Variants in ZNF77 observed in about 807,000 individuals in gnomAD.
ZNF77 encodes the protein ZNFpT1.
In ZNF77, 15 loss-of-function variants were observed where a neutral mutation model predicts 13.5. The observed-to-expected ratio is 1.11, with a 90% CI of 0.74 to 1.71. ZNF77 has a LOEUF of 1.71. Among genes scored for constraint, ZNF77 ranks in the 40% most tolerant of loss-of-function variants. ZNF77 has a pLI of 0.00. For missense variants in ZNF77, 717 were observed against 676.4 expected (o/e 1.06, Z -0.67); for synonymous variants, 282 against 250.0 (o/e 1.13, Z -1.21).
At chr19:2,939,576 T>A in intron 1 of ZNF77, 169 bp from the exon 2 acceptor site, 1 of 862,028 alleles carries the variant, frequency 1.2e-6, no homozygotes, top group Non-Finnish European at 1.8e-6. Flanking sequence ...CGTGAGTACC[T>A]TCCCAACAGG....
chr19:2,941,074 C>T (rs1013139393), intron 1 of ZNF77, among the ~76,000 whole-genome samples: 9 of 149,614 alleles, frequency 6.0e-5, no homozygotes, highest in African/African-American at 2.2e-4. Context: ...ACTCAGGAGG[C>T]TGAGGTGGGA....
intron 2 of ZNF77, among the ~76,000 whole-genome samples, chr19:2,938,796 G>A (rs562689626): frequency 0.02 from 3,026 of 151,750 alleles, 44 homozygotes; most frequent in Middle Eastern, 0.096. Context: ...CTCTACTAAA[G>A]CTACAAAAAA....
intron 2 of ZNF77, among the ~76,000 whole-genome samples, chr19:2,938,796 G>T (rs562689626): frequency 6.6e-6 from 1 of 151,794 alleles, no homozygotes; most frequent in South Asian, 2.1e-4. Flanking sequence ...CTCTACTAAA[G>T]CTACAAAAAA....
intron 3 of ZNF77, among the ~76,000 whole-genome samples, chr19:2,935,972 G>T (rs946179086): frequency 2.0e-5 from 3 of 151,614 alleles, no homozygotes; most frequent in African/African-American, 7.3e-5. Flanking sequence ...GCCAAGATCC[G>T]TGCCACTGCA....
At chr19:2,944,689 C>T (rs1234036307) in intron 1 of ZNF77, 149 bp downstream of exon 1, 8 of 1,189,502 alleles carry the variant, frequency 6.7e-6, no homozygotes, top group Non-Finnish European at 9.0e-6. Flanking sequence ...ACCCCTCGGC[C>T]GCTGTGACCA....
chr19:2,942,090 G>C (rs79020457), intron 1 of ZNF77, among the ~76,000 whole-genome samples: 1 of 128,634 alleles, frequency 7.8e-6, no homozygotes, highest in Admixed American at 7.9e-5. Flanking sequence ...TTTTTTTTTT[G>C]AGACAGGGTC....
chr19:2,935,178 C>T (rs559710925), intron 3 of ZNF77, among the ~76,000 whole-genome samples: 6 of 151,920 alleles, frequency 3.9e-5, no homozygotes, highest in African/African-American at 1.4e-4. Context: ...GCCACCACGC[C>T]TGGCTAATTT....
intron 1 of ZNF77, among the ~76,000 whole-genome samples, chr19:2,943,457 G>C (rs985919570): frequency 4.6e-5 from 7 of 151,498 alleles, no homozygotes; most frequent in Admixed American, 2.6e-4. Context: ...CTGAACTTTG[G>C]CCCCCCCGAG....
Position 2,934,436 on chromosome 19 carries a change from C to A in ZNF77, c.691G>T (p.Val231Leu), listed in dbSNP as rs1307920121. The change falls in exon 4 of 4, where the codon GTG becomes TTG. Residue 231 changes from valine to leucine, a missense_variant. Physicochemically the swap from Val to Leu is conservative, Grantham distance 32. Coordinates refer to ENST00000314531, the MANE Select transcript of ZNF77 (RefSeq NM_021217.3). ...GTTTTCTGCCCATGATGACTATTCA[C>A]ATGTCCCCTGAAAGATGAGGGACAA... ...FICPSSFRGH[V>L]NSHHGQKTHA... is the part of the protein sequence containing the mutation. 15 of 1,614,236 alleles carry A rather than the reference C, an allele frequency of 9.3e-6. No individual in the cohort carries two copies. The highest frequency in any genetic ancestry group is 1.3e-5 in the Non-Finnish European group (15 of 1,180,042).
Position 2,933,687 on chromosome 19 carries a change from T to C in ZNF77, c.1440A>G (p.Gln480=), listed in dbSNP as rs1344518170. ...GKAFSHAQYF[Q]KHVRSHSGVK... is the part of the protein sequence containing the mutation. ...CCCCACTGTGTGATCTCACATGCTT[T>C]TGAAAGTACTGAGCGTGGCTGAAGG... Residue 480 remains glutamine (Q), a synonymous_variant, in exon 4 of 4, where the codon CAA becomes CAG. Transcript: ENST00000314531. 6.2e-7 allele frequency: 1 copy of C among 1,612,226 alleles called. No homozygotes were observed. The highest frequency in any genetic ancestry group is 8.5e-7 in the Non-Finnish European group (1 of 1,178,620).
chr19:2,933,821 A>G lies in ZNF77; in HGVS notation c.1306T>C (p.Phe436Leu), dbSNP rs1242397158. 8 of 1,613,326 alleles carry G rather than the reference A, an allele frequency of 5.0e-6. No individual in the cohort carries two copies. Among genetic ancestry groups the G allele is most frequent in the Non-Finnish European group, 6.8e-6 (8 of 1,179,410 alleles). ...HVRTHTGEKP[F>L]ECKHCGKAFS... The stretch of plus-strand genomic sequence containing the variant: ...GCTTTCCCACAATGCTTACACTCAA[A>G]GGGCTTCTCTCCAGTATGCGTCCTC... Residue 436 changes from phenylalanine (F) to leucine (L), a missense_variant, in exon 4 of 4, where the codon TTT (phenylalanine) becomes CTT (leucine). Coordinates refer to ENST00000314531, the MANE Select transcript of ZNF77 (RefSeq NM_021217.3).
At position 2,933,539 on chromosome 19, in the gene ZNF77, TGAAG is replaced by T; in HGVS notation, c.1584_1587del (p.Phe529GlyfsTer10). On this transcript the variant is annotated frameshift_variant, in exon 4 of 4. Coordinates refer to ENST00000314531, the MANE Select transcript of ZNF77 (RefSeq NM_021217.3). LOFTEE classifies it low-confidence loss of function (END_TRUNC). ...TGTGCTTGAAGCGATGCGAGATACC[TGAAG>T]GTTTTCCCACACTGCTTGCATTCAT... The T allele has an allele frequency of 6.2e-7, 1 of 1,606,876 alleles. No homozygotes were observed. Among genetic ancestry groups the T allele is most frequent in the Non-Finnish European group, 8.5e-7 (1 of 1,174,994 alleles).
intron 3 of ZNF77, 72 bp downstream of exon 3, chr19:2,936,452 A>G (rs547132071): frequency 1.3e-5 from 19 of 1,481,964 alleles, no homozygotes; most frequent in African/African-American, 4.4e-5. Context: ...CCCAGCCGAT[A>G]CTTTTCTTTG....
intron 1 of ZNF77, among the ~76,000 whole-genome samples, chr19:2,943,451 A>G (rs1365594040): frequency 6.6e-6 from 1 of 151,908 alleles, no homozygotes; most frequent in Non-Finnish European, 1.5e-5. Flanking sequence ...AGGCCCCTGA[A>G]CTTTGGCCCC....
chr19:2,936,039 AT>A (rs2088393349), intron 3 of ZNF77, among the ~76,000 whole-genome samples: 1 of 151,326 alleles, frequency 6.6e-6, no homozygotes, highest in Non-Finnish European at 1.5e-5. Flanking sequence ...AATAAATAAA[AT>A]AAAAATAAAA....
chr19:2,942,370 CTTTTT>C lies in ZNF77; in HGVS notation c.3+2463_3+2467del, dbSNP rs71179937. On this transcript the variant is annotated intron_variant, in intron 1 of 3. Transcript: ENST00000314531. ...CAGGTGTGAGCCACCGCGCCCGGCT[CTTTTT>C]TTTTTTTTTTTTTTTTCCAGACAGG... Among the ~76,000 whole-genome samples the C allele has an allele frequency of 4.9e-5, 5 of 102,068 alleles. No homozygotes were observed. In the South Asian group the frequency reaches 1.0e-3, roughly 21 times the overall value. The allele number at this position is 102,068 out of a possible 152,430, so 67.0% of individuals were successfully genotyped here.
chr19:2,935,347 C>G (rs547665010), intron 3 of ZNF77, among the ~76,000 whole-genome samples: 1 of 107,808 alleles, frequency 9.3e-6, no homozygotes, highest in Non-Finnish European at 1.8e-5. Context: ...GATGGAGTTT[C>G]ACTCTTGTTG....
intron 1 of ZNF77, among the ~76,000 whole-genome samples, chr19:2,940,143 G>T (rs12972051): frequency 0.12 from 17,438 of 151,502 alleles, 1,271 homozygotes; most frequent in East Asian, 0.31. Flanking sequence ...ACAGAGCAAA[G>T]ACCCTGTCTC....
chr19:2,940,653 C>T (rs1033248778), intron 1 of ZNF77, among the ~76,000 whole-genome samples: 3 of 131,058 alleles, frequency 2.3e-5, no homozygotes, highest in Non-Finnish European at 4.7e-5. Flanking sequence ...AGTCTAGCAA[C>T]AGAGTGAGTC....
Sources: allele counts gnomAD v4.1 joint callset (sites outside exome capture counted in the v4.1 genomes callset), GRCh38; gene constraint gnomAD v4.1.1; transcripts MANE v1.5; gene names NCBI Gene and HGNC (gene_info 2026-07-23, HGNC 2026-07-21).